Variants in TCTN2 observed in about 807,000 individuals in gnomAD.
TCTN2 encodes tectonic-2.
Under a neutral mutation model 83.4 loss-of-function variants are expected in TCTN2, and 66 were observed. That is an observed-to-expected ratio of 0.79 (90% CI 0.65 to 0.97). TCTN2 has a LOEUF of 0.97. Among genes scored for constraint, TCTN2 ranks in the 50% least tolerant of loss-of-function variants. The pLI is 0.00. For missense variants in TCTN2, 794 were observed against 858.1 expected (o/e 0.93, Z 0.93); for synonymous variants, 301 against 326.7 (o/e 0.92, Z 0.85).
At chr12:123,673,459 G>C (rs564809126) in intron 3 of TCTN2, among the ~76,000 whole-genome samples, 156 bp from the exon 4 acceptor site, 30 of 152,214 alleles carry the variant, frequency 2.0e-4, no homozygotes, top group African/African-American at 7.2e-4. Context: ...ATAGGTTTAT[G>C]GGGGGGAACT....
intron 5 of TCTN2, among the ~76,000 whole-genome samples, chr12:123,683,871 C>A (rs745430953): frequency 8.5e-5 from 13 of 152,130 alleles, no homozygotes; most frequent in Non-Finnish European, 1.9e-4. Flanking sequence ...GATCTCCTGA[C>A]CTCGTGATCC....
In TCTN2 at chr12:123,679,010, A is replaced by G. The variant is rs1237282927; in HGVS notation, c.464-179A>G. ...GACCGGGTTTCACCGTGTTAGCCAG[A>G]ATGGTCTCGATCTCCTGACCTCATG... On this transcript the variant is annotated intron_variant, in intron 4 of 17. Transcript: ENST00000303372. Among the ~76,000 whole-genome samples the G allele has an allele frequency of 2.0e-5, 3 of 151,904 alleles. No homozygotes were observed. In the South Asian group the frequency reaches 6.3e-4, roughly 32 times the overall value.
chr12:123,681,002 C>T (rs1955893088), intron 5 of TCTN2, among the ~76,000 whole-genome samples: 1 of 151,998 alleles, frequency 6.6e-6, no homozygotes, highest in East Asian at 1.9e-4. Flanking sequence ...GGCGAAGCAG[C>T]TCACGCCTGT....
intron 7 of TCTN2, 54 bp from the exon 8 acceptor site, chr12:123,690,479 T>C: frequency 6.2e-7 from 1 of 1,613,168 alleles, no homozygotes; most frequent in Admixed American, 1.7e-5. Flanking sequence ...CTGATCTGTT[T>C]TGTATGATTA....
At chr12:123,687,485 G>A (rs564530076) in intron 6 of TCTN2, among the ~76,000 whole-genome samples, 122 of 152,088 alleles carry the variant, frequency 8.0e-4, no homozygotes, top group African/African-American at 2.9e-3. Flanking sequence ...GTGAAACCCT[G>A]TCTCTACTAA....
intron 7 of TCTN2, among the ~76,000 whole-genome samples, chr12:123,688,763 C>CT (rs72477887): frequency 0.072 from 10,864 of 150,920 alleles, 546 homozygotes; most frequent in African/African-American, 0.13. Flanking sequence ...CATTCTTTTT[C>CT]TTTTTTTTTG....
At chr12:123,699,649 A>C in intron 13 of TCTN2, 55 bp from the exon 14 acceptor site, 1 of 1,395,786 alleles carries the variant, frequency 7.2e-7, no homozygotes, top group Non-Finnish European at 1.0e-6. Context: ...ACTGGAAATG[A>C]CTTTAGGACA....
chr12:123,693,217 G>A (rs1045091680), intron 9 of TCTN2, among the ~76,000 whole-genome samples: 3 of 151,000 alleles, frequency 2.0e-5, no homozygotes, highest in East Asian at 1.9e-4. Context: ...GTAGAGACGG[G>A]GTTTCTCCCT....
intron 17 of TCTN2, 183 bp downstream of exon 17, chr12:123,707,256 G>GT (rs910286204): frequency 0.13 from 54,102 of 406,178 alleles, no homozygotes; most frequent in South Asian, 0.2. Flanking sequence ...TACCTACACT[G>GT]TTTTTTTTTT....
At position 123,704,559 on chromosome 12, in the gene TCTN2, A is replaced by G; in HGVS notation, c.1640A>G (p.Asp547Gly). Residue 547 changes from aspartate (D) to glycine (G), a missense_variant, in exon 15 of 18, where the codon GAC (aspartate) becomes GGC (glycine). By Grantham distance (94) the Asp-to-Gly change is moderately conservative. Transcript: ENST00000303372. The part of the protein sequence containing the change: ...IRVDAPDPGA[D>G]PLASSVNGMC... ...GTAGATGCCCCTGATCCAGGTGCAG[A>G]CCCGCTGGCTAGCAGTGTGAACGGC... 1.2e-6 allele frequency: 2 copies of G among 1,611,288 alleles called. No homozygotes were observed. Among genetic ancestry groups the G allele is most frequent in the South Asian group, 2.2e-5 (2 of 90,798 alleles).
intron 9 of TCTN2, among the ~76,000 whole-genome samples, chr12:123,693,316 G>A (rs11057331): frequency 0.072 from 10,683 of 149,190 alleles, 541 homozygotes; most frequent in African/African-American, 0.13. Flanking sequence ...GTGAGCCACC[G>A]CGCCCGACCA....
intron 13 of TCTN2, among the ~76,000 whole-genome samples, chr12:123,699,028 T>C (rs994377235): frequency 4.5e-4 from 69 of 152,314 alleles, no homozygotes; most frequent in African/African-American, 1.6e-3. Flanking sequence ...TAGGTTACTT[T>C]TACTGTTGGA....
In TCTN2 at chr12:123,694,816, TTATGAAC is replaced by T; in HGVS notation, c.1100-25_1100-19del. The T allele has an allele frequency of 6.2e-7, 1 of 1,606,904 alleles. No homozygotes were observed. Among genetic ancestry groups the T allele is most frequent in the Non-Finnish European group, 8.5e-7 (1 of 1,174,790 alleles). ...GTCAGGCTCAAAGAGGGTCTTTAAT[TTATGAAC>T]ATATTCTTGTATTTGCAGAAACTCC... is the stretch of plus-strand genomic sequence containing the variant. On this transcript the variant is annotated intron_variant, in intron 9 of 17. Transcript: ENST00000303372.
chr12:123,681,088 G>A (rs915610904), intron 5 of TCTN2, among the ~76,000 whole-genome samples: 2 of 151,768 alleles, frequency 1.3e-5, no homozygotes, highest in Non-Finnish European at 2.9e-5. Context: ...GGGCAACATG[G>A]CAAAACCCCA....
At chr12:123,682,917 G>A (rs1955916951) in intron 5 of TCTN2, among the ~76,000 whole-genome samples, 1 of 151,762 alleles carries the variant, frequency 6.6e-6, no homozygotes, top group African/African-American at 2.4e-5. Context: ...TTTAATCCTG[G>A]CGAAATACAC....
At position 123,707,870 on chromosome 12, in the gene TCTN2, C is replaced by T. The variant is rs1446325954; in HGVS notation, c.*157C>T. 1.5e-6 allele frequency: 1 copy of T among 662,642 alleles called. No homozygotes were observed. Among genetic ancestry groups the T allele is most frequent in the Non-Finnish European group, 2.7e-6 (1 of 368,198 alleles). The allele number at this position is 662,642 out of a possible 1,614,324, so 41.0% of individuals were successfully genotyped here. A position where few individuals can be genotyped will look rare whatever the true frequency, so the allele number is the denominator to read the frequency against. The stretch of plus-strand genomic sequence containing the variant: ...GGATTACAGGCATGCACCACCACGC[C>T]CGGCTAATTTTGTATTTTTAGTAGA... On this transcript the variant is annotated 3_prime_UTR_variant, in exon 18 of 18. Transcript: ENST00000303372.
chr12:123,695,508 A>C, intron 11 of TCTN2: 1 of 432,724 alleles, frequency 2.3e-6, no homozygotes, highest in Non-Finnish European at 4.2e-6. Flanking sequence ...TGCAACCTGC[A>C]CCTCCTGGGT....
intron 5 of TCTN2, among the ~76,000 whole-genome samples, chr12:123,684,619 C>T (rs958202031): frequency 1.3e-5 from 2 of 151,848 alleles, no homozygotes; most frequent in East Asian, 1.9e-4. Context: ...AGGCTGGCCT[C>T]GAACTCCTGA....
intron 15 of TCTN2, among the ~76,000 whole-genome samples, chr12:123,705,930 A>G (rs1956223500): frequency 6.6e-6 from 1 of 151,752 alleles, no homozygotes; most frequent in Admixed American, 6.6e-5. Flanking sequence ...CTAATTTTGT[A>G]TTTTTAGTAG....
Sources: gnomAD v4.1 joint callset for allele counts (sites outside exome capture counted in the v4.1 genomes callset) on GRCh38, gnomAD v4.1.1 for gene constraint, MANE v1.5 for transcripts, NCBI Gene and HGNC (gene_info 2026-07-23, HGNC 2026-07-21) for gene names.